IL17RA: variants seen among roughly 807,000 people sequenced by gnomAD.
The protein encoded by IL17RA is interleukin 17 receptor A.
In IL17RA, 34 loss-of-function variants were observed where a neutral mutation model predicts 50.4. That is an observed-to-expected ratio of 0.67 (90% CI 0.51 to 0.90). IL17RA has a LOEUF of 0.90. IL17RA is among the 40% of genes least tolerant of loss of function. The probability of loss-of-function intolerance (pLI) is 0.00; values close to 1 mark genes in which losing one functional copy is unlikely to be tolerated. For synonymous variants in IL17RA, 585 were observed against 510.4 expected (o/e 1.15, Z -1.97); for missense variants, 1,276 against 1,169.8 (o/e 1.09, Z -1.32).
rs1411966858 is a variant in IL17RA at position 17,094,666 on chromosome 22, T to TCTCTCTCTCTCTCTCTCTCC, written c.139-2377_139-2376insCCTCTCTCTCTCTCTCTCTC. Among the ~76,000 whole-genome samples, 109 of 38,372 alleles carry TCTCTCTCTCTCTCTCTCTCC rather than the reference T, an allele frequency of 2.8e-3. 1 individual carries two copies. The highest frequency in any genetic ancestry group is 5.7e-3 in the South Asian group (7 of 1,228). 25.2% of individuals were successfully genotyped at this position (38,372 alleles called of 152,430 possible). On this transcript the variant is annotated intron_variant, in intron 1 of 12. Coordinates refer to ENST00000319363, the MANE Select transcript of IL17RA (RefSeq NM_014339.7). ...TTTAGTCATACACACACTCTCTCTC[T>TCTCTCTCTCTCTCTCTCTCC]CTCTCTCTCTCTCTCTCTCTCTCTC...
chr22:17,109,188 C>G lies in IL17RA; in HGVS notation c.1969C>G (p.Arg657Gly). 1 of 1,519,166 alleles carries G rather than the reference C, an allele frequency of 6.6e-7. No homozygotes were observed. 94.1% of individuals were successfully genotyped at this position (1,519,166 alleles called of 1,614,324 possible). A position where few individuals can be genotyped will look rare whatever the true frequency, so the allele number is the denominator to read the frequency against. ...AAAGCTGGAACCTCACCTGCAGCCC[C>G]GGGGTCAGCCAGCGCCGCAGCCCCT... is the stretch of plus-strand genomic sequence containing the variant. Reference protein sequence around the residue: ...VAKLEPHLQPRGQPAPQPLHT... With the variant: ...VAKLEPHLQPGGQPAPQPLHT... Residue 657 changes from arginine to glycine, a missense_variant, in exon 13 of 13, where the codon CGG becomes GGG. Coordinates refer to ENST00000319363, the MANE Select transcript of IL17RA (RefSeq NM_014339.7).
In IL17RA at chr22:17,085,097, G is replaced by A. The variant is rs1410420542; in HGVS notation, c.6G>A (p.Gly2=). The change falls in exon 1 of 13, where the codon GGG becomes GGA. Residue 2 remains glycine (G), a synonymous_variant. Coordinates refer to ENST00000319363, the MANE Select transcript of IL17RA (RefSeq NM_014339.7). The part of the protein sequence containing the change: M[G]AARSPPSAVP... Reference sequence around the variant, plus strand: ...TCCGCGACGCCAGCCGGGCCATGGGGGCCGCACGCAGCCCGCCGTCCGCTG... The same window carrying A: ...TCCGCGACGCCAGCCGGGCCATGGGAGCCGCACGCAGCCCGCCGTCCGCTG... The A allele has an allele frequency of 2.2e-6, 3 of 1,356,502 alleles. 1 individual carries two copies. Among genetic ancestry groups the A allele is most frequent in the Non-Finnish European group, 2.8e-6 (3 of 1,055,612 alleles). 84.0% of individuals were successfully genotyped at this position (1,356,502 alleles called of 1,614,324 possible). A position where few individuals can be genotyped will look rare whatever the true frequency, so the allele number is the denominator to read the frequency against.
At position 17,107,827 on chromosome 22, in the gene IL17RA, G is replaced by T. The variant is rs374292754; in HGVS notation, c.1087+59G>T. On this transcript the variant is annotated intron_variant, in intron 12 of 12. Coordinates refer to ENST00000319363, the MANE Select transcript of IL17RA (RefSeq NM_014339.7). The stretch of plus-strand genomic sequence containing the variant: ...TTTAAAGCAGTGGAGGGTTCTCCTG[G>T]GATAAGTGCGTGGGTCGCCTCCTGT... The T allele has an allele frequency of 9.1e-5, 136 of 1,487,102 alleles. No individual in the cohort carries two copies. In the Middle Eastern group the frequency reaches 5.3e-3, roughly 58 times the overall value. 92.1% of individuals were successfully genotyped at this position (1,487,102 alleles called of 1,614,324 possible).
Position 17,102,143 on chromosome 22 carries a change from C to G in IL17RA, c.603C>G (p.Ser201Arg), listed in dbSNP as rs369409494. The G allele has an allele frequency of 1.1e-4, 170 of 1,614,004 alleles. No homozygotes were observed. The highest frequency in any genetic ancestry group is 1.4e-4 in the Non-Finnish European group (164 of 1,180,032). The change falls in exon 7 of 13, where the codon AGC (serine) becomes AGG (arginine). Residue 201 changes from serine to arginine, a missense_variant. Coordinates refer to ENST00000319363, the MANE Select transcript of IL17RA (RefSeq NM_014339.7). ...CTGCGTGTGTGACCTTGGCAGGCAG[C>G]CTGTGGGACCCCAACATCACCGTGG... ...KVTTPCMSSG[S>R]LWDPNITVET... is the part of the protein sequence containing the mutation.
Position 17,113,783 on chromosome 22 carries a change from G to A in IL17RA, c.*3963G>A, listed in dbSNP as rs1233145474. On this transcript the variant is annotated 3_prime_UTR_variant, in exon 13 of 13. Transcript: ENST00000319363. The stretch of plus-strand genomic sequence containing the variant: ...GTGTCGGACAGAGGATCCTTACAAA[G>A]AAGAGGCAGCAGGGTTGGGGGCTGG... 1.3e-5 allele frequency: 2 copies of A among 152,350 alleles called. No individual in the cohort carries two copies. The highest frequency in any genetic ancestry group is 2.9e-5 in the Non-Finnish European group (2 of 68,124). 9.4% of individuals were successfully genotyped at this position (152,350 alleles called of 1,614,324 possible).
In IL17RA at chr22:17,085,211, G is replaced by T; in HGVS notation, c.120G>T (p.Ala40=). ...GASLRLLDHR[A]LVCSQPGLNC... ...CCCTGCGACTCCTGGACCACCGGGCGCTGGTCTGCTCCCAGCCGGTGAGAC... is the reference window on the plus strand; with the variant it reads ...CCCTGCGACTCCTGGACCACCGGGCTCTGGTCTGCTCCCAGCCGGTGAGAC... Residue 40 remains alanine, a synonymous_variant, in exon 1 of 13, where the codon GCG becomes GCT. Transcript: ENST00000319363. 1 of 1,534,876 alleles carries T rather than the reference G, an allele frequency of 6.5e-7. No individual in the cohort carries two copies. The highest frequency in any genetic ancestry group is 1.2e-5 in the South Asian group (1 of 83,038).
chr22:17,107,379 G>A (rs2061418695), intron 11 of IL17RA, among the ~76,000 whole-genome samples: 2 of 152,328 alleles, frequency 1.3e-5, no homozygotes, highest in South Asian at 2.1e-4. Flanking sequence ...GTCCCAGCTG[G>A]ATCAGTGCTA....
rs1262987755 is a variant in IL17RA at position 17,109,789 on chromosome 22, T to TGGGGTC, written c.2571_2576dup (p.Gly858_Ser859dup). ...CAGAAGAACTCGGGCTGGGACACGA[T>TGGGGTC]GGGGTCAGAGTCAGAGGGGCCCAGT... On this transcript the variant is annotated inframe_insertion, in exon 13 of 13. Coordinates refer to ENST00000319363, the MANE Select transcript of IL17RA (RefSeq NM_014339.7). 1.3e-5 allele frequency: 20 copies of TGGGGTC among 1,550,476 alleles called. No individual in the cohort carries two copies. In the East Asian group the frequency reaches 4.9e-4, roughly 38 times the overall value.
In IL17RA at chr22:17,109,716, C is replaced by T; in HGVS notation, c.2497C>T (p.Leu833=). 1.9e-6 allele frequency: 3 copies of T among 1,583,936 alleles called. No homozygotes were observed. Among genetic ancestry groups the T allele is most frequent in the Non-Finnish European group, 2.6e-6 (3 of 1,165,818 alleles). Reference sequence around the variant, plus strand: ...GGCCCTGCCACTCTCTCCCGAGGACCTGGAGAGCCTGAGGAGCCTCCAGCG... The same window carrying T: ...GGCCCTGCCACTCTCTCCCGAGGACTTGGAGAGCCTGAGGAGCCTCCAGCG... ...KPALPLSPED[L]ESLRSLQRQL... is the part of the protein sequence containing the mutation. Residue 833 remains leucine, a synonymous_variant, in exon 13 of 13, where the codon CTG becomes TTG. Transcript: ENST00000319363.
chr22:17,086,034 T>G (rs1601333589), intron 1 of IL17RA, among the ~76,000 whole-genome samples: 1 of 151,234 alleles, frequency 6.6e-6, no homozygotes, highest in African/African-American at 2.4e-5. Context: ...AGTCGGAGGG[T>G]CGAACGTTTG....
chr22:17,097,547 T>G (rs1361737965), intron 2 of IL17RA: 1 of 581,158 alleles, frequency 1.7e-6, no homozygotes, highest in Admixed American at 3.0e-5. Context: ...CACAACTTCT[T>G]CTCAAAATCA....
Position 17,108,830 on chromosome 22 carries a change from G to C in IL17RA, c.1611G>C (p.Gln537His). Reference sequence around the variant, plus strand: ...TCGAGGAGGTGTACTTCCGCATCCAGGACCTGGAGATGTTCCAGCCGGGCC... The same window carrying C: ...TCGAGGAGGTGTACTTCCGCATCCACGACCTGGAGATGTTCCAGCCGGGCC... ...DRFEEVYFRI[Q>H]DLEMFQPGRM... Residue 537 changes from glutamine to histidine, a missense_variant, in exon 13 of 13, where the codon CAG becomes CAC. Transcript: ENST00000319363. The C allele has an allele frequency of 6.2e-7, 1 of 1,607,782 alleles. No homozygotes were observed. Among genetic ancestry groups the C allele is most frequent in the South Asian group, 1.1e-5 (1 of 90,260 alleles).
intron 11 of IL17RA, 50 bp downstream of exon 11, chr22:17,106,004 C>T (rs746450310): frequency 2.9e-6 from 4 of 1,369,292 alleles, no homozygotes; most frequent in East Asian, 2.3e-5. Context: ...AATACCAGCA[C>T]CACCACTCAC....
chr22:17,099,094 T>C (rs1287790994), intron 4 of IL17RA, among the ~76,000 whole-genome samples: 2 of 152,206 alleles, frequency 1.3e-5, no homozygotes, highest in Non-Finnish European at 2.9e-5. Context: ...ACAGAGCGTA[T>C]TTTTGAAAGC....
In IL17RA at chr22:17,101,483, C is replaced by T. The variant is rs1315477494; in HGVS notation, c.551-513C>T. On this transcript the variant is annotated intron_variant, in intron 5 of 12. Coordinates refer to ENST00000319363, the MANE Select transcript of IL17RA (RefSeq NM_014339.7). ...GTCTCTTCTACTGGGTTGCAATCTC[C>T]AGGGGGCAGGGCTTTGTCTTGTTTA... Among the ~76,000 whole-genome samples the T allele has an allele frequency of 2.6e-5, 4 of 152,196 alleles. No homozygotes were observed. The East Asian group carries it at 7.7e-4, about 29-fold the overall frequency.
At position 17,109,775 on chromosome 22, in the gene IL17RA, G is replaced by C. The variant is rs753701908; in HGVS notation, c.2556G>C (p.Ser852=). The C allele has an allele frequency of 6.4e-7, 1 of 1,552,152 alleles. No individual in the cohort carries two copies. Residue 852 remains serine, a synonymous_variant, in exon 13 of 13, where the codon TCG becomes TCC. Coordinates refer to ENST00000319363, the MANE Select transcript of IL17RA (RefSeq NM_014339.7). The part of the protein sequence containing the change: ...QLLFRQLQKN[S]GWDTMGSESE... ...TTTTCCGCCAGCTGCAGAAGAACTC[G>C]GGCTGGGACACGATGGGGTCAGAGT...
chr22:17,095,535 C>G (rs938316649), intron 1 of IL17RA, among the ~76,000 whole-genome samples: 1 of 152,166 alleles, frequency 6.6e-6, no homozygotes. Context: ...GAAGTTACTC[C>G]AAATGATGTA....
intron 1 of IL17RA, among the ~76,000 whole-genome samples, chr22:17,095,473 C>T (rs2061365335): frequency 6.6e-6 from 1 of 152,176 alleles, no homozygotes; most frequent in African/African-American, 2.4e-5. Flanking sequence ...AAGAGCTTTT[C>T]ATCATGGGCA....
At position 17,104,910 on chromosome 22, in the gene IL17RA, G is replaced by A. The variant is rs2061408007; in HGVS notation, c.931+100G>A. The A allele has an allele frequency of 4.4e-6, 5 of 1,142,880 alleles. No individual in the cohort carries two copies. The East Asian group carries it at 7.3e-5, about 17-fold the overall frequency. 70.8% of individuals were successfully genotyped at this position (1,142,880 alleles called of 1,614,324 possible). A position where few individuals can be genotyped will look rare whatever the true frequency, so the allele number is the denominator to read the frequency against. ...TTACCTGGTTCTGAGGGGTGATTAG[G>A]GAGGAGAGTTTAGTTTAACTTGGAG... On this transcript the variant is annotated intron_variant, in intron 9 of 12. Coordinates refer to ENST00000319363, the MANE Select transcript of IL17RA (RefSeq NM_014339.7).
Sources: allele counts gnomAD v4.1 joint callset (sites outside exome capture counted in the v4.1 genomes callset), GRCh38; gene constraint gnomAD v4.1.1; transcripts MANE v1.5; gene names NCBI Gene and HGNC (gene_info 2026-07-23, HGNC 2026-07-21).